RSPO3: variants seen among roughly 807,000 people sequenced by gnomAD.
RSPO3 encodes the protein R-spondin 3.
RSPO3 carries 17 observed loss-of-function variants against 36.5 expected under a neutral mutation model. The observed-to-expected ratio is 0.47, with a 90% CI of 0.32 to 0.70. The LOEUF (loss-of-function observed/expected upper bound fraction) is 0.70. RSPO3 is among the 30% of genes least tolerant of loss of function. The pLI is 0.04. For synonymous variants in RSPO3, 108 were observed against 107.0 expected, an observed-to-expected ratio of 1.01 and a Z score of -0.06; for missense variants, 294 against 322.5, an observed-to-expected ratio of 0.91 and a Z score of 0.68.
intron 4 of RSPO3, among the ~76,000 whole-genome samples, chr6:127,184,426 A>G (rs900836920): frequency 1.3e-5 from 2 of 151,982 alleles, no homozygotes; most frequent in African/African-American, 2.4e-5. Context: ...TGGGTTGCAC[A>G]TAGGGACCCA....
intron 1 of RSPO3, among the ~76,000 whole-genome samples, chr6:127,131,221 T>G (rs186671504): frequency 1.3e-4 from 20 of 152,212 alleles, no homozygotes; most frequent in African/African-American, 4.8e-4. Flanking sequence ...TTTAAACCTG[T>G]GGGCATTATG....
At chr6:127,138,766 T>C (rs530086791) in intron 1 of RSPO3, among the ~76,000 whole-genome samples, 46 of 152,340 alleles carry the variant, frequency 3.0e-4, no homozygotes, top group African/African-American at 1.0e-3. Context: ...GATAATTGGT[T>C]ATATTCATCT....
intron 4 of RSPO3, among the ~76,000 whole-genome samples, chr6:127,168,070 AAT>A (rs1244687925): frequency 2.0e-5 from 3 of 152,116 alleles, no homozygotes; most frequent in African/African-American, 7.2e-5. Context: ...CATACATGTG[AAT>A]ATGTCTTTAT....
intron 4 of RSPO3, among the ~76,000 whole-genome samples, chr6:127,186,372 A>G (rs1420470558): frequency 3.3e-5 from 5 of 152,194 alleles, no homozygotes; most frequent in Non-Finnish European, 7.3e-5. Context: ...AACTTTCACT[A>G]TGCTCAGTCA....
chr6:127,177,881 A>G (rs1210604427), intron 4 of RSPO3, among the ~76,000 whole-genome samples: 1 of 151,416 alleles, frequency 6.6e-6, no homozygotes, highest in African/African-American at 2.4e-5. Flanking sequence ...TGTTTGTGTT[A>G]TTATAGTTCT....
chr6:127,171,372 A>G (rs1332692436), intron 4 of RSPO3, among the ~76,000 whole-genome samples: 1 of 151,776 alleles, frequency 6.6e-6, no homozygotes, highest in African/African-American at 2.4e-5. Flanking sequence ...AGGATGTTGT[A>G]GGGTAGCAAG....
intron 4 of RSPO3, among the ~76,000 whole-genome samples, chr6:127,166,521 C>G (rs572926023): frequency 6.6e-6 from 1 of 151,948 alleles, no homozygotes; most frequent in Non-Finnish European, 1.5e-5. Flanking sequence ...CATTTTTCCT[C>G]ATCTGTACAA....
chr6:127,168,777 A>G (rs1248294385), intron 4 of RSPO3, among the ~76,000 whole-genome samples: 2 of 152,084 alleles, frequency 1.3e-5, no homozygotes, highest in Non-Finnish European at 2.9e-5. Flanking sequence ...ATTTTTGTAT[A>G]AGGTGTAAGA....
chr6:127,158,730 A>G (rs778845293), intron 4 of RSPO3, among the ~76,000 whole-genome samples: 14 of 152,118 alleles, frequency 9.2e-5, no homozygotes, highest in Non-Finnish European at 1.5e-4. Context: ...AGTTAACCCA[A>G]GGAGATAAAT....
At chr6:127,163,143 C>A (rs1395931661) in intron 4 of RSPO3, among the ~76,000 whole-genome samples, 1 of 152,032 alleles carries the variant, frequency 6.6e-6, no homozygotes, top group African/African-American at 2.4e-5. Context: ...AAATTCTGGA[C>A]CCCCAAATGT....
chr6:127,159,694 G>C (rs1211203142), intron 4 of RSPO3, among the ~76,000 whole-genome samples: 1 of 145,550 alleles, frequency 6.9e-6, no homozygotes, highest in East Asian at 2.0e-4. Flanking sequence ...TGTCGCCCAG[G>C]CTGGAGTGCA....
intron 1 of RSPO3, among the ~76,000 whole-genome samples, chr6:127,124,386 G>A (rs1204239410): frequency 6.6e-6 from 1 of 151,986 alleles, no homozygotes; most frequent in African/African-American, 2.4e-5. Flanking sequence ...AAAAAACTTT[G>A]GTTACCATTA....
At chr6:127,120,550 G>T (rs1315972846) in intron 1 of RSPO3, among the ~76,000 whole-genome samples, 1 of 152,206 alleles carries the variant, frequency 6.6e-6, no homozygotes. Context: ...GGCAGACGTC[G>T]GGGCAGCGCG....
chr6:127,192,854 GA>G, intron 4 of RSPO3: 1 of 234,892 alleles, frequency 4.3e-6, no homozygotes, highest in Non-Finnish European at 7.0e-6. Flanking sequence ...AAAAAAGCCT[GA>G]AAAAAATATT....
At chr6:127,140,629 T>A (rs1774249818) in intron 1 of RSPO3, among the ~76,000 whole-genome samples, 1 of 152,194 alleles carries the variant, frequency 6.6e-6, no homozygotes, top group Non-Finnish European at 1.5e-5. Flanking sequence ...CAAATTAAAG[T>A]AACTATATCA....
At chr6:127,120,950 C>T (rs1453175892) in intron 1 of RSPO3, among the ~76,000 whole-genome samples, 1 of 152,254 alleles carries the variant, frequency 6.6e-6, no homozygotes, top group Non-Finnish European at 1.5e-5. Context: ...CCTGGCGGTC[C>T]CCGCCTCCTC....
intron 4 of RSPO3, among the ~76,000 whole-genome samples, chr6:127,162,848 C>A (rs982351488): frequency 3.3e-5 from 5 of 152,146 alleles, no homozygotes; most frequent in African/African-American, 9.7e-5. Flanking sequence ...TTTGTTAATG[C>A]TGGCAAAAAT....
In RSPO3 at chr6:127,195,816, A is replaced by C. The variant is rs111444332; in HGVS notation, c.635-7A>C. 85 of 1,493,716 alleles carry C rather than the reference A, an allele frequency of 5.7e-5. No individual in the cohort carries two copies. The highest frequency in any genetic ancestry group is 7.3e-5 in the Non-Finnish European group (81 of 1,116,542). 92.5% of individuals were successfully genotyped at this position (1,493,716 alleles called of 1,614,324 possible). ...GTAATTTTTAAAAGAGTATCCTTTCATTTCAGGAAAAAAAGGAAGGGAGAG... is the reference window on the plus strand; with the variant it reads ...GTAATTTTTAAAAGAGTATCCTTTCCTTTCAGGAAAAAAAGGAAGGGAGAG... On this transcript the variant is annotated splice_polypyrimidine_tract_variant and splice_region_variant and intron_variant, in intron 4 of 4. Coordinates refer to ENST00000356698, the MANE Select transcript of RSPO3 (RefSeq NM_032784.5).
chr6:127,161,528 C>T (rs1269084414), intron 4 of RSPO3, among the ~76,000 whole-genome samples: 13 of 152,052 alleles, frequency 8.5e-5, no homozygotes, highest in Admixed American at 8.5e-4. Flanking sequence ...ATTTTATTAA[C>T]GGTGGTCGAA....
Sources: gnomAD v4.1 joint callset for allele counts (sites outside exome capture counted in the v4.1 genomes callset) on GRCh38, gnomAD v4.1.1 for gene constraint, MANE v1.5 for transcripts, NCBI Gene and HGNC (gene_info 2026-07-23, HGNC 2026-07-21) for gene names.